RIMS1: variants seen among roughly 807,000 people sequenced by gnomAD.
The protein encoded by RIMS1 is regulating synaptic membrane exocytosis protein 1.
A neutral mutation model predicts 214.1 loss-of-function variants in RIMS1; 83 were observed. The observed-to-expected ratio is 0.39, with a 90% CI of 0.32 to 0.47. The LOEUF is 0.47. Among genes scored for constraint, RIMS1 ranks in the 20% least tolerant of loss-of-function variants. RIMS1 has a pLI of 0.99. For synonymous variants in RIMS1, 793 were observed against 786.8 expected (o/e 1.01, Z -0.13); for missense variants, 2,050 against 2,161.8 (o/e 0.95, Z 1.03).
chr6:72,102,352 A>T (rs1255373367), intron 4 of RIMS1, among the ~76,000 whole-genome samples: 1 of 151,996 alleles, frequency 6.6e-6, no homozygotes, highest in Non-Finnish European at 1.5e-5. Context: ...TTCTACAATA[A>T]ATGTTAGCAT....
intron 1 of RIMS1, among the ~76,000 whole-genome samples, chr6:71,927,985 G>A (rs1244105473): frequency 6.6e-6 from 1 of 152,040 alleles, no homozygotes; most frequent in Non-Finnish European, 1.5e-5. Context: ...AGTTAGTATG[G>A]TCTGCAGAAA....
intron 10 of RIMS1, among the ~76,000 whole-genome samples, chr6:72,243,915 ACTTT>A (rs1453707934): frequency 1.3e-5 from 2 of 151,544 alleles, no homozygotes; most frequent in African/African-American, 2.4e-5. Flanking sequence ...GGTAGTATCA[ACTTT>A]CTTTCTAGTG....
chr6:72,202,270 C>T lies in RIMS1; in HGVS notation c.1678+19121C>T, dbSNP rs533303845. ...CCTAAACAACAGGAATTTATTTTCT[C>T]ATAGTTCTGGAGGCTGGAAGTCTGA... On this transcript the variant is annotated intron_variant, in intron 6 of 33. Transcript: ENST00000521978. Among the ~76,000 whole-genome samples, 325 of 152,262 alleles carry T rather than the reference C, an allele frequency of 2.1e-3. 4 individuals carry two copies. The highest frequency in any genetic ancestry group is 7.0e-3 in the African/African-American group (290 of 41,542).
intron 1 of RIMS1, among the ~76,000 whole-genome samples, chr6:71,955,880 C>G (rs572733007): frequency 2.6e-5 from 4 of 152,164 alleles, no homozygotes; most frequent in Admixed American, 2.6e-4. Flanking sequence ...TTTTGAGTTA[C>G]ATAGCAACAA....
chr6:72,040,332 A>G (rs1280171587), intron 2 of RIMS1, among the ~76,000 whole-genome samples: 1 of 152,060 alleles, frequency 6.6e-6, no homozygotes, highest in African/African-American at 2.4e-5. Flanking sequence ...AGTGAAAGCA[A>G]TAACAGGACT....
At chr6:71,968,488 C>A (rs1795028457) in intron 1 of RIMS1, among the ~76,000 whole-genome samples, 1 of 152,036 alleles carries the variant, frequency 6.6e-6, no homozygotes, top group African/African-American at 2.4e-5. Flanking sequence ...AAATTTTGAA[C>A]AAGGGGGATG....
intron 4 of RIMS1, among the ~76,000 whole-genome samples, chr6:72,129,671 T>C (rs2040141363): frequency 6.6e-6 from 1 of 152,072 alleles, no homozygotes; most frequent in African/African-American, 2.4e-5. Context: ...GCTCATTTAA[T>C]GCAGATGGGA....
At position 71,982,108 on chromosome 6, in the gene RIMS1, T is replaced by C. The variant is rs897511325; in HGVS notation, c.245+13045T>C. Among the ~76,000 whole-genome samples the C allele has an allele frequency of 1.3e-5, 2 of 152,136 alleles. 1 individual carries two copies. The highest frequency in any genetic ancestry group is 2.9e-5 in the Non-Finnish European group (2 of 67,992). On this transcript the variant is annotated intron_variant, in intron 2 of 33. Coordinates refer to ENST00000521978, the MANE Select transcript of RIMS1 (RefSeq NM_014989.7). ...AGGATCAGGGAGGAGAATAAAGGCA[T>C]CTTTCATTTTATCACTTTGATTTTT...
At chr6:72,050,123 G>T (rs1824212358) in intron 2 of RIMS1, among the ~76,000 whole-genome samples, 1 of 152,116 alleles carries the variant, frequency 6.6e-6, no homozygotes, top group Non-Finnish European at 1.5e-5. Context: ...ACCACCATCG[G>T]TTCTGCTGAG....
intron 2 of RIMS1, among the ~76,000 whole-genome samples, chr6:71,991,293 A>C (rs1277783591): frequency 6.6e-6 from 1 of 151,948 alleles, no homozygotes; most frequent in African/African-American, 2.4e-5. Flanking sequence ...TTTTAACAGC[A>C]TTTTATGTCG....
intron 5 of RIMS1, among the ~76,000 whole-genome samples, chr6:72,181,603 G>T (rs1485022029): frequency 6.6e-6 from 1 of 152,188 alleles, no homozygotes; most frequent in East Asian, 1.9e-4. Context: ...ATTTGAAGAA[G>T]ATTGATAGGG....
intron 22 of RIMS1, among the ~76,000 whole-genome samples, chr6:72,267,432 G>A (rs930053084): frequency 6.6e-6 from 1 of 152,120 alleles, no homozygotes; most frequent in Non-Finnish European, 1.5e-5. Flanking sequence ...AATGCAAGCT[G>A]ATACTTTAAT....
chr6:72,146,081 A>G (rs1284919241), intron 4 of RIMS1, among the ~76,000 whole-genome samples: 1 of 152,242 alleles, frequency 6.6e-6, no homozygotes, highest in African/African-American at 2.4e-5. Context: ...GTAAAAAATG[A>G]TTACTTCAGT....
intron 2 of RIMS1, among the ~76,000 whole-genome samples, chr6:72,023,439 T>A (rs139184901): frequency 6.6e-6 from 1 of 152,112 alleles, no homozygotes; most frequent in Non-Finnish European, 1.5e-5. Flanking sequence ...GTTTTTTTGT[T>A]ATTAAAGTAT....
intron 1 of RIMS1, among the ~76,000 whole-genome samples, chr6:71,910,558 C>G (rs1427987661): frequency 6.6e-6 from 1 of 152,140 alleles, no homozygotes; most frequent in East Asian, 1.9e-4. Flanking sequence ...TAGGTCTTAT[C>G]AAAGCACCTA....
intron 4 of RIMS1, among the ~76,000 whole-genome samples, chr6:72,141,871 T>A (rs909535253): frequency 2.0e-5 from 3 of 152,038 alleles, no homozygotes; most frequent in Non-Finnish European, 4.4e-5. Flanking sequence ...GTTATCTAAA[T>A]GTAGTTTCCT....
At chr6:71,937,935 G>T (rs889361409) in intron 1 of RIMS1, among the ~76,000 whole-genome samples, 1 of 151,920 alleles carries the variant, frequency 6.6e-6, no homozygotes, top group Non-Finnish European at 1.5e-5. Flanking sequence ...TCCAAAATCC[G>T]GAGTCTCATC....
At chr6:72,261,580 A>T in intron 19 of RIMS1, 1 of 966,674 alleles carries the variant, frequency 1.0e-6, no homozygotes, top group Non-Finnish European at 1.2e-6. Context: ...GGAAGTAGTA[A>T]GTCAGTGAAA....
chr6:72,394,495 G>C (rs2098750849), intron 31 of RIMS1, among the ~76,000 whole-genome samples: 1 of 151,944 alleles, frequency 6.6e-6, no homozygotes, highest in Non-Finnish European at 1.5e-5. Flanking sequence ...CAAAATTGAA[G>C]TCAATAATAA....
Sources: gnomAD v4.1 joint callset for allele counts (sites outside exome capture counted in the v4.1 genomes callset) on GRCh38, gnomAD v4.1.1 for gene constraint, MANE v1.5 for transcripts, NCBI Gene and HGNC (gene_info 2026-07-23, HGNC 2026-07-21) for gene names.